EREG: variants seen among roughly 807,000 people sequenced by gnomAD.
EREG encodes proepiregulin.
In EREG, 23 loss-of-function variants were observed where a neutral mutation model predicts 22.4. That is an observed-to-expected ratio of 1.03 (90% CI 0.74 to 1.46). EREG has a LOEUF of 1.46. EREG is among the 40% of genes most tolerant of loss of function. EREG has a pLI of 0.00. For missense variants in EREG, 226 were observed against 205.9 expected (o/e 1.10, Z -0.60); for synonymous variants, 100 against 75.4 (o/e 1.33, Z -1.69).
intron 1 of EREG, among the ~76,000 whole-genome samples, chr4:74,367,936 G>A (rs1752214637): frequency 6.6e-6 from 1 of 152,186 alleles, no homozygotes; most frequent in Non-Finnish European, 1.5e-5. Context: ...CAGCCATGTT[G>A]TGTATTAGGT....
chr4:74,381,285 C>T, intron 3 of EREG, 148 bp downstream of exon 3: 1 of 635,118 alleles, frequency 1.6e-6, no homozygotes, highest in Non-Finnish European at 2.6e-6. Flanking sequence ...GTGCATGGAA[C>T]CCATTAGGTA....
chr4:74,381,710 C>T (rs1358267877), intron 3 of EREG: 1 of 152,082 alleles, frequency 6.6e-6, no homozygotes, highest in Non-Finnish European at 1.5e-5. Flanking sequence ...GACGCGTTGG[C>T]TCATGCCTGT....
At position 74,388,647 on chromosome 4, in the gene EREG, A is replaced by G. The variant is rs1752616519; in HGVS notation, c.*3839A>G. On this transcript the variant is annotated 3_prime_UTR_variant, in exon 5 of 5. Transcript: ENST00000244869. ...TGTGTACCTTAAGATATTGAAGGAG[A>G]AAATAGATAATTTACAAGATATTAT... 2 of 152,612 alleles carry G rather than the reference A, an allele frequency of 1.3e-5. No individual in the cohort carries two copies. Among genetic ancestry groups the G allele is most frequent in the Non-Finnish European group, 1.5e-5 (1 of 68,018 alleles). 9.5% of individuals were successfully genotyped at this position (152,612 alleles called of 1,614,324 possible).
rs887186718 is a variant in EREG at position 74,386,635 on chromosome 4, G to A, written c.*1827G>A. On this transcript the variant is annotated 3_prime_UTR_variant, in exon 5 of 5. Coordinates refer to ENST00000244869, the MANE Select transcript of EREG (RefSeq NM_001432.3). Reference sequence around the variant, plus strand: ...TTATTTCTGTTTCCTATTTAATACAGCTGAAGTCAAAATATGTAAGAACAC... The same window carrying A: ...TTATTTCTGTTTCCTATTTAATACAACTGAAGTCAAAATATGTAAGAACAC... 4 of 152,106 alleles carry A rather than the reference G, an allele frequency of 2.6e-5. No homozygotes were observed. The highest frequency in any genetic ancestry group is 5.9e-5 in the Non-Finnish European group (4 of 68,028). The allele number at this position is 152,106 out of a possible 1,614,324, so 9.4% of individuals were successfully genotyped here. A position where few individuals can be genotyped will look rare whatever the true frequency, so the allele number is the denominator to read the frequency against.
chr4:74,387,417 T>G lies in EREG; in HGVS notation c.*2609T>G, dbSNP rs929818906. On this transcript the variant is annotated 3_prime_UTR_variant, in exon 5 of 5. Coordinates refer to ENST00000244869, the MANE Select transcript of EREG (RefSeq NM_001432.3). Reference sequence around the variant, plus strand: ...TTATTGTAAGCATCTCAATCTTGGTTTGTCAGTTTATCTTAAGCATGTCAA... The same window carrying G: ...TTATTGTAAGCATCTCAATCTTGGTGTGTCAGTTTATCTTAAGCATGTCAA... 3.9e-5 allele frequency: 6 copies of G among 152,140 alleles called. No homozygotes were observed. Among genetic ancestry groups the G allele is most frequent in the Non-Finnish European group, 7.3e-5 (5 of 68,028 alleles). 9.4% of individuals were successfully genotyped at this position (152,140 alleles called of 1,614,324 possible). A position where few individuals can be genotyped will look rare whatever the true frequency, so the allele number is the denominator to read the frequency against.
intron 1 of EREG, among the ~76,000 whole-genome samples, chr4:74,372,831 CAG>C (rs1259958572): frequency 2.0e-5 from 2 of 99,990 alleles, no homozygotes; most frequent in East Asian, 3.1e-4. Flanking sequence ...TTTTTTGAAA[CAG>C]AGTCTTGCTC....
chr4:74,385,576 A>G lies in EREG; in HGVS notation c.*768A>G. 3.8e-6 allele frequency: 1 copy of G among 265,272 alleles called. No individual in the cohort carries two copies. Among genetic ancestry groups the G allele is most frequent in the Admixed American group, 5.3e-5 (1 of 18,744 alleles). 16.4% of individuals were successfully genotyped at this position (265,272 alleles called of 1,614,324 possible). The stretch of plus-strand genomic sequence containing the variant: ...GCTTCACAATGTTCCTTTTTTGTAT[A>G]TTACAACATTTATGTGAGGTAATTA... On this transcript the variant is annotated 3_prime_UTR_variant, in exon 5 of 5. Coordinates refer to ENST00000244869, the MANE Select transcript of EREG (RefSeq NM_001432.3).
chr4:74,384,760 G>T lies in EREG; in HGVS notation c.462G>T (p.Lys154Asn), dbSNP rs1401031368. Reference protein sequence around the residue: ...YRNRKSKEPKKEYERVTSGDP... With the variant: ...YRNRKSKEPKNEYERVTSGDP... ...ATCGAAAAAGTAAAGAACCAAAGAAGGAATATGAGAGAGTTACCTCAGGGG... is the reference window on the plus strand; with the variant it reads ...ATCGAAAAAGTAAAGAACCAAAGAATGAATATGAGAGAGTTACCTCAGGGG... Residue 154 changes from lysine to asparagine, a missense_variant, in exon 5 of 5, where the codon AAG (lysine) becomes AAT (asparagine). Transcript: ENST00000244869. The T allele has an allele frequency of 1.2e-6, 2 of 1,612,944 alleles. No individual in the cohort carries two copies. The highest frequency in any genetic ancestry group is 1.7e-6 in the Non-Finnish European group (2 of 1,179,296).
chr4:74,366,758 T>C (rs972832581), intron 1 of EREG, among the ~76,000 whole-genome samples: 9 of 152,058 alleles, frequency 5.9e-5, no homozygotes, highest in African/African-American at 2.2e-4. Flanking sequence ...GTGTGTGTGT[T>C]GTGTGTGTGT....
intron 2 of EREG, among the ~76,000 whole-genome samples, chr4:74,380,747 C>A (rs1041080933): frequency 6.6e-6 from 1 of 152,110 alleles, no homozygotes; most frequent in Non-Finnish European, 1.5e-5. Flanking sequence ...CCTTCTCTAC[C>A]CTTACAGGTT....
At position 74,384,900 on chromosome 4, in the gene EREG, T is replaced by A; in HGVS notation, c.*92T>A. ...TTAATAATATTTATGTTGGGTCAAG[T>A]GTTAGGTCAATAACACTGTATTTTA... On this transcript the variant is annotated 3_prime_UTR_variant, in exon 5 of 5. Transcript: ENST00000244869. The A allele has an allele frequency of 1.4e-6, 1 of 732,504 alleles. No homozygotes were observed. The highest frequency in any genetic ancestry group is 2.4e-5 in the Admixed American group (1 of 41,966). The allele number at this position is 732,504 out of a possible 1,614,324, so 45.4% of individuals were successfully genotyped here.
intron 4 of EREG, 92 bp downstream of exon 4, chr4:74,382,886 G>A: frequency 1.1e-6 from 1 of 916,234 alleles, no homozygotes; most frequent in Non-Finnish European, 1.7e-6. Flanking sequence ...TAAAGTATTA[G>A]AGAGATAAGA....
chr4:74,375,950 A>G (rs1243938083), intron 1 of EREG, among the ~76,000 whole-genome samples: 1 of 152,188 alleles, frequency 6.6e-6, no homozygotes, highest in Non-Finnish European at 1.5e-5. Context: ...TTAATGCAGC[A>G]AGTCTCACAG....
chr4:74,369,828 A>C (rs1447048604), intron 1 of EREG, among the ~76,000 whole-genome samples: 2 of 152,162 alleles, frequency 1.3e-5, no homozygotes, highest in Non-Finnish European at 2.9e-5. Context: ...ATCCGAAAAA[A>C]AAAAGGTTGT....
chr4:74,387,011 A>G lies in EREG; in HGVS notation c.*2203A>G, dbSNP rs1752579754. 6.6e-6 allele frequency: 1 copy of G among 152,172 alleles called. No homozygotes were observed. Among genetic ancestry groups the G allele is most frequent in the Non-Finnish European group, 1.5e-5 (1 of 68,096 alleles). The allele number at this position is 152,172 out of a possible 1,614,324, so 9.4% of individuals were successfully genotyped here. A position where few individuals can be genotyped will look rare whatever the true frequency, so the allele number is the denominator to read the frequency against. On this transcript the variant is annotated 3_prime_UTR_variant, in exon 5 of 5. Transcript: ENST00000244869. The stretch of plus-strand genomic sequence containing the variant: ...TCACCATGTTGGCCAGGATGGTCTC[A>G]ATCTCCTAACCTTGAGATCCACCCT...
chr4:74,379,543 A>C lies in EREG; in HGVS notation c.154+9A>C, dbSNP rs769384011. The C allele has an allele frequency of 2.6e-6, 4 of 1,534,458 alleles. No homozygotes were observed. ...TAACTGCACAGCTTTAGGTAAGCCC[A>C]AGTTTGTCAATGTGGCATCAAGAGA... On this transcript the variant is annotated intron_variant, in intron 2 of 4. Coordinates refer to ENST00000244869, the MANE Select transcript of EREG (RefSeq NM_001432.3).
At chr4:74,380,195 T>C (rs1752450588) in intron 2 of EREG, among the ~76,000 whole-genome samples, 1 of 152,156 alleles carries the variant, frequency 6.6e-6, no homozygotes, top group Non-Finnish European at 1.5e-5. Flanking sequence ...CTTTATCTTT[T>C]GTCCCTCACC....
At chr4:74,372,509 A>C (rs1440186989) in intron 1 of EREG, among the ~76,000 whole-genome samples, 1 of 152,206 alleles carries the variant, frequency 6.6e-6, no homozygotes, top group Non-Finnish European at 1.5e-5. Flanking sequence ...AATTGCAGAC[A>C]CTTATAGTCC....
chr4:74,382,636 T>A lies in EREG; in HGVS notation c.279-9T>A, dbSNP rs1285472081. On this transcript the variant is annotated splice_polypyrimidine_tract_variant and intron_variant, in intron 3 of 4. Coordinates refer to ENST00000244869, the MANE Select transcript of EREG (RefSeq NM_001432.3). ...AACTGATCTTTCTTTCTTCCGTATT[T>A]TCCTTCAGGTGTGAAGTGGGTTATA... is the stretch of plus-strand genomic sequence containing the variant. 6.4e-7 allele frequency: 1 copy of A among 1,565,706 alleles called. No homozygotes were observed. Among genetic ancestry groups the A allele is most frequent in the Non-Finnish European group, 8.6e-7 (1 of 1,159,482 alleles).
Sources: allele counts gnomAD v4.1 joint callset (sites outside exome capture counted in the v4.1 genomes callset), GRCh38; gene constraint gnomAD v4.1.1; transcripts MANE v1.5; gene names NCBI Gene and HGNC (gene_info 2026-07-23, HGNC 2026-07-21).